FANCB: variants seen among roughly 807,000 people sequenced by gnomAD.
The protein encoded by FANCB is Fanconi anemia group B protein.
In FANCB, 5 loss-of-function variants were observed where a neutral mutation model predicts 38.9. That is an observed-to-expected ratio of 0.13 (90% CI 0.07 to 0.27). The LOEUF is 0.27. Among genes scored for constraint, FANCB ranks in the 10% least tolerant of loss-of-function variants. The probability of loss-of-function intolerance (pLI) is 1.00; values close to 1 mark genes in which losing one functional copy is unlikely to be tolerated. For missense variants in FANCB, 573 were observed against 602.7 expected (o/e 0.95, Z 0.52); for synonymous variants, 236 against 215.4 (o/e 1.10, Z -0.84).
chrX:14,863,039 T>C (rs1980604017), intron 3 of FANCB, among the ~76,000 whole-genome samples: 1 of 112,349 alleles, frequency 8.9e-6, no homozygotes, highest in African/African-American at 3.2e-5. Flanking sequence ...TAAAATAGGA[T>C]AGCTTTCAAA....
chrX:14,807,175 T>C, the FANCB span, among the ~76,000 whole-genome samples: 1 of 112,204 alleles, frequency 8.9e-6, no homozygotes, highest in African/African-American at 3.2e-5. Flanking sequence ...ATGTCACAAT[T>C]CAGGACATAT....
chrX:14,816,024 G>C, the FANCB span, among the ~76,000 whole-genome samples: 1 of 111,555 alleles, frequency 9.0e-6, no homozygotes. Flanking sequence ...TGGGAGGTTG[G>C]GAGGTGAGCG....
the FANCB span, among the ~76,000 whole-genome samples, chrX:14,787,173 T>C: frequency 9.0e-6 from 1 of 111,081 alleles, no homozygotes; most frequent in East Asian, 2.8e-4. Context: ...CTGTCATCAA[T>C]GCCCCTTGGG....
At chrX:14,831,989 C>T (rs1050673228), downstream of FANCB, among the ~76,000 whole-genome samples, 1 of 111,839 alleles carries the variant, frequency 8.9e-6, no homozygotes, top group Non-Finnish European at 1.9e-5. Context: ...CCCCTGGAAA[C>T]ATCATGGTGT....
At chrX:14,819,482 C>A in the FANCB span, among the ~76,000 whole-genome samples, 1 of 111,230 alleles carries the variant, frequency 9.0e-6, no homozygotes, top group East Asian at 2.8e-4. Context: ...ATCTGAGAGG[C>A]AATTGGATGG....
chrX:14,795,041 A>G, the FANCB span, among the ~76,000 whole-genome samples: 2 of 111,951 alleles, frequency 1.8e-5, no homozygotes, highest in African/African-American at 6.5e-5. Flanking sequence ...TTAGGCAGCA[A>G]TAAGAGAAAG....
chrX:14,773,624 G>C, the FANCB span, among the ~76,000 whole-genome samples: 5 of 111,781 alleles, frequency 4.5e-5, no homozygotes, highest in African/African-American at 1.3e-4. Flanking sequence ...AGGAGGGGAG[G>C]AAAGGAATAC....
the FANCB span, among the ~76,000 whole-genome samples, chrX:14,774,426 AG>A: frequency 8.9e-6 from 1 of 112,298 alleles, no homozygotes; most frequent in Non-Finnish European, 1.9e-5. Context: ...ATATGATAGA[AG>A]GGGGCATCTC....
At chrX:14,720,494 A>G in the FANCB span, among the ~76,000 whole-genome samples, 1 of 111,459 alleles carries the variant, frequency 9.0e-6, no homozygotes, top group Non-Finnish European at 1.9e-5. Flanking sequence ...AGACATACAG[A>G]GGATAACTGT....
the FANCB span, among the ~76,000 whole-genome samples, chrX:14,789,710 T>C: frequency 4.5e-5 from 5 of 111,678 alleles, 1 homozygote; most frequent in Admixed American, 4.8e-4. Flanking sequence ...GCTTATTATA[T>C]GAGTGATGAT....
the FANCB span, among the ~76,000 whole-genome samples, chrX:14,748,418 G>A: frequency 3.6e-5 from 4 of 112,214 alleles, no homozygotes; most frequent in African/African-American, 1.3e-4. Context: ...ACCCAGCTAA[G>A]CCATGCACAG....
At chrX:14,733,459 G>A in the FANCB span, among the ~76,000 whole-genome samples, 4 of 111,874 alleles carry the variant, frequency 3.6e-5, no homozygotes, top group African/African-American at 1.3e-4. Flanking sequence ...ATTACTTTGG[G>A]CAGTATGGCC....
the FANCB span, among the ~76,000 whole-genome samples, chrX:14,815,285 G>A: frequency 2.7e-5 from 3 of 109,280 alleles, no homozygotes; most frequent in East Asian, 2.9e-4. Flanking sequence ...AAACCTGCAC[G>A]TTGTGCACAT....
chrX:14,701,274 G>A, the FANCB span, among the ~76,000 whole-genome samples: 3 of 111,399 alleles, frequency 2.7e-5, no homozygotes, highest in Non-Finnish European at 5.6e-5. Context: ...GCATCAATGT[G>A]CTGGATTCGG....
At chrX:14,839,721 T>C (rs2092349848), downstream of FANCB, among the ~76,000 whole-genome samples, 1 of 111,884 alleles carries the variant, frequency 8.9e-6, no homozygotes, top group Non-Finnish European at 1.9e-5. Context: ...GGTAAAAGCA[T>C]CCTGTTTTGT....
the FANCB span, among the ~76,000 whole-genome samples, chrX:14,822,121 G>A: frequency 2.7e-5 from 3 of 111,218 alleles, no homozygotes; most frequent in South Asian, 7.6e-4. Context: ...TTTAAGGAGC[G>A]CCAAGACTAG....
chrX:14,776,927 C>T, the FANCB span, among the ~76,000 whole-genome samples: 37 of 111,548 alleles, frequency 3.3e-4, 1 homozygote, highest in African/African-American at 1.2e-3. Context: ...GGTGTTGAAG[C>T]TAGAGAGAAG....
At chrX:14,795,250 G>A in the FANCB span, among the ~76,000 whole-genome samples, 1 of 110,069 alleles carries the variant, frequency 9.1e-6, no homozygotes, top group African/African-American at 3.4e-5. Flanking sequence ...TCAACAAAAC[G>A]AAATACAAAT....
chrX:14,726,171 C>A, the FANCB span, among the ~76,000 whole-genome samples: 2 of 112,235 alleles, frequency 1.8e-5, no homozygotes, highest in Non-Finnish European at 3.8e-5. Flanking sequence ...TTCAGTTTAT[C>A]CATGACTCAA....
Sources: gnomAD v4.1 joint callset for allele counts (sites outside exome capture counted in the v4.1 genomes callset) on GRCh38, gnomAD v4.1.1 for gene constraint, MANE v1.5 for transcripts, NCBI Gene and HGNC (gene_info 2026-07-23, HGNC 2026-07-21) for gene names.